The following CTBP2 variants were observed in gnomAD, a reference collection of about 807,000 sequenced individuals.
CTBP2 encodes C-terminal binding protein 2.
In CTBP2, 30 loss-of-function variants were observed where a neutral mutation model predicts 80.3. The observed-to-expected ratio is 0.37, with a 90% CI of 0.28 to 0.51. The LOEUF is 0.51. Among genes scored for constraint, CTBP2 ranks in the 20% least tolerant of loss-of-function variants. CTBP2 has a pLI of 0.93. For synonymous variants in CTBP2, 594 were observed against 587.4 expected, an observed-to-expected ratio of 1.01 and a Z score of -0.16; for missense variants, 1,212 against 1,375.3, an observed-to-expected ratio of 0.88 and a Z score of 1.88.
chr10:125,156,761 T>A (rs377397377), intron 1 of CTBP2, among the ~76,000 whole-genome samples: 2 of 152,234 alleles, frequency 1.3e-5, no homozygotes, highest in East Asian at 3.8e-4. Flanking sequence ...TTGTTTGTTG[T>A]TGCTGTTTGT....
chr10:125,062,365 CTG>C (rs1200796976), intron 2 of CTBP2, among the ~76,000 whole-genome samples: 1 of 152,174 alleles, frequency 6.6e-6, no homozygotes, highest in Non-Finnish European at 1.5e-5. Flanking sequence ...TAGGGTGTGT[CTG>C]TAAGAGAACG....
At chr10:125,009,168 T>G (rs1955584972) in intron 1 of CTBP2, among the ~76,000 whole-genome samples, 1 of 152,184 alleles carries the variant, frequency 6.6e-6, no homozygotes, top group Non-Finnish European at 1.5e-5. Flanking sequence ...GTACCCTTTC[T>G]GCAGAAAGTA....
At chr10:125,005,501 G>C in intron 1 of CTBP2, 1 of 1,547,912 alleles carries the variant, frequency 6.5e-7, no homozygotes. Context: ...GGCAGGGGAG[G>C]GGGAAAATAA....
At chr10:125,154,786 C>T (rs1272532228) in intron 1 of CTBP2, among the ~76,000 whole-genome samples, 2 of 152,236 alleles carry the variant, frequency 1.3e-5, no homozygotes. Context: ...GTTGGTTCCA[C>T]TTTGGGACCT....
chr10:124,996,689 G>A (rs952439459), intron 4 of CTBP2: 1 of 151,970 alleles, frequency 6.6e-6, no homozygotes, highest in Admixed American at 6.6e-5. Context: ...GTGTACCCAG[G>A]GTGCTCATGA....
chr10:125,137,686 C>T (rs1290205595), intron 1 of CTBP2, among the ~76,000 whole-genome samples: 1 of 152,200 alleles, frequency 6.6e-6, no homozygotes, highest in Admixed American at 6.5e-5. Flanking sequence ...GGAAAGGCTT[C>T]ATAAATCTCA....
At chr10:125,155,589 TA>T (rs1269122466) in intron 1 of CTBP2, among the ~76,000 whole-genome samples, 1 of 152,106 alleles carries the variant, frequency 6.6e-6, no homozygotes, top group Non-Finnish European at 1.5e-5. Flanking sequence ...TACTCTCCAT[TA>T]AATCATGATC....
chr10:125,137,864 G>A (rs887353920), intron 1 of CTBP2: 2 of 152,162 alleles, frequency 1.3e-5, no homozygotes, highest in African/African-American at 2.4e-5. Context: ...ATCGAGGTAA[G>A]GCTCACAAAA....
chr10:125,101,943 C>T (rs962618763), intron 2 of CTBP2, among the ~76,000 whole-genome samples: 2 of 152,190 alleles, frequency 1.3e-5, no homozygotes, highest in Non-Finnish European at 2.9e-5. Flanking sequence ...GCCTCGATCG[C>T]TGAAACAATG....
At chr10:125,148,685 G>A (rs1408933934) in intron 1 of CTBP2, among the ~76,000 whole-genome samples, 1 of 152,150 alleles carries the variant, frequency 6.6e-6, no homozygotes, top group African/African-American at 2.4e-5. Flanking sequence ...TTTACCACAG[G>A]AGTGTCTTCC....
chr10:125,015,534 A>G (rs1363517535), intron 1 of CTBP2, among the ~76,000 whole-genome samples: 4 of 151,622 alleles, frequency 2.6e-5, no homozygotes, highest in African/African-American at 9.7e-5. Context: ...CCCTCCGTCC[A>G]CTCCCGGTCT....
intron 2 of CTBP2, among the ~76,000 whole-genome samples, chr10:125,050,462 C>T (rs927881453): frequency 1.9e-4 from 29 of 152,200 alleles, no homozygotes; most frequent in Non-Finnish European, 4.0e-4. Flanking sequence ...GGCTACGTAA[C>T]GGAAACCCAG....
intron 2 of CTBP2, among the ~76,000 whole-genome samples, chr10:125,073,924 G>A (rs951196543): frequency 1.3e-5 from 2 of 152,134 alleles, no homozygotes; most frequent in Non-Finnish European, 2.9e-5. Flanking sequence ...TTACTCCCAC[G>A]GCCCAGGCGT....
intron 1 of CTBP2, among the ~76,000 whole-genome samples, chr10:125,010,888 A>G (rs1458150075): frequency 6.6e-6 from 1 of 152,182 alleles, no homozygotes; most frequent in African/African-American, 2.4e-5. Context: ...GTGAGGTACA[A>G]CCAGGTAGGA....
In CTBP2 at chr10:125,026,101, G is replaced by T. The variant is rs762864308; in HGVS notation, c.1659C>A (p.Thr553=). Residue 553 remains threonine, a synonymous_variant, in exon 1 of 9, where the codon ACC becomes ACA. Transcript: ENST00000309035. ...TATTACTTGGTTCTGGTGCAAGCAT[G>T]GTGGACACGATGATGGGTGCCCCTG... 1.9e-6 allele frequency: 3 copies of T among 1,573,914 alleles called. No homozygotes were observed. The highest frequency in any genetic ancestry group is 1.7e-6 in the Non-Finnish European group (2 of 1,155,656).
At chr10:125,148,665 C>T (rs1254882038) in intron 1 of CTBP2, among the ~76,000 whole-genome samples, 7 of 152,188 alleles carry the variant, frequency 4.6e-5, no homozygotes, top group Admixed American at 4.6e-4. Flanking sequence ...TCAACTAAGA[C>T]ATTCTCGAAT....
At chr10:125,097,244 C>T (rs754510322) in intron 2 of CTBP2, among the ~76,000 whole-genome samples, 1 of 152,212 alleles carries the variant, frequency 6.6e-6, no homozygotes, top group South Asian at 2.1e-4. Flanking sequence ...CATTTCCCCT[C>T]GCTGGGGTAT....
chr10:125,134,834 C>T (rs989285766), intron 1 of CTBP2, among the ~76,000 whole-genome samples: 1 of 151,992 alleles, frequency 6.6e-6, no homozygotes, highest in African/African-American at 2.4e-5. Flanking sequence ...GGGAGTCAGG[C>T]ATAGCCCTCC....
At chr10:125,110,003 C>T (rs1852039483) in intron 2 of CTBP2, among the ~76,000 whole-genome samples, 1 of 152,224 alleles carries the variant, frequency 6.6e-6, no homozygotes, top group Non-Finnish European at 1.5e-5. Context: ...TAGGTTCAGG[C>T]AGAGATTCAG....
Sources: allele counts gnomAD v4.1 joint callset (sites outside exome capture counted in the v4.1 genomes callset), GRCh38; gene constraint gnomAD v4.1.1; transcripts MANE v1.5; gene names NCBI Gene and HGNC (gene_info 2026-07-23, HGNC 2026-07-21).